The following PRAMEF20 variants were observed in gnomAD, a reference collection of about 807,000 sequenced individuals.
The protein encoded by PRAMEF20 is PRAME family member 20/21.
A neutral mutation model predicts 32.4 loss-of-function variants in PRAMEF20; 27 were observed. The ratio of observed to expected loss-of-function variants is 0.83; its 90% CI spans 0.61 to 1.15. The LOEUF (loss-of-function observed/expected upper bound fraction) is 1.15, where lower values mean the gene tolerates loss of function less well. PRAMEF20 is among the 50% of genes most tolerant of loss of function. The probability of loss-of-function intolerance (pLI) is 0.00; values close to 1 mark genes in which losing one functional copy is unlikely to be tolerated. For missense variants in PRAMEF20, 604 were observed against 584.5 expected (o/e 1.03, Z -0.34); for synonymous variants, 256 against 235.4 (o/e 1.09, Z -0.80).
At chr1:13,416,477 G>T in exon 1 of PRAMEF20, 1 of 1,614,102 alleles carries the variant, frequency 6.2e-7, no homozygotes, top group South Asian at 1.1e-5. Flanking sequence ...CATTGTTCAT[G>T]GAGGCCTTCA....
chr1:13,413,503 T>G (rs1641133527), upstream of PRAMEF20, among the ~76,000 whole-genome samples: 1 of 152,092 alleles, frequency 6.6e-6, no homozygotes. Flanking sequence ...TAGCTGGGAC[T>G]ACAGGCACAC....
upstream of PRAMEF20, among the ~76,000 whole-genome samples, chr1:13,412,801 G>A (rs1333338181): frequency 6.6e-6 from 1 of 152,124 alleles, no homozygotes; most frequent in African/African-American, 2.4e-5. Context: ...GTGCATGCCT[G>A]TAATCCCAGC....
At chr1:13,416,017 C>G (rs1641165518), upstream of PRAMEF20, among the ~76,000 whole-genome samples, 1 of 150,920 alleles carries the variant, frequency 6.6e-6, no homozygotes, top group African/African-American at 2.4e-5. Flanking sequence ...GTTTTAGAAC[C>G]TTGAGTAATT....
intron 1 of PRAMEF20, 82 bp downstream of exon 2, chr1:13,416,723 C>T (rs1641178702): frequency 1.9e-6 from 3 of 1,608,304 alleles, no homozygotes; most frequent in South Asian, 1.1e-5. Flanking sequence ...GTGAGGAGGT[C>T]CAAGGAGGGC....
At chr1:13,419,950 A>T (rs1283448514) in intron 2 of PRAMEF20, among the ~76,000 whole-genome samples, 2 of 152,158 alleles carry the variant, frequency 1.3e-5, no homozygotes, top group African/African-American at 4.8e-5. Context: ...AGGGTCAGGG[A>T]CCAGGCACAA....
At chr1:13,411,790 A>G (rs1356746054), upstream of PRAMEF20, among the ~76,000 whole-genome samples, 1 of 152,194 alleles carries the variant, frequency 6.6e-6, no homozygotes, top group Admixed American at 6.5e-5. Context: ...TGTTCCGTGT[A>G]CAGAATTCTC....
chr1:13,415,833 AAAG>A (rs1641163780), upstream of PRAMEF20, among the ~76,000 whole-genome samples: 1 of 151,930 alleles, frequency 6.6e-6, no homozygotes, highest in Non-Finnish European at 1.5e-5. Context: ...GGGATGAGGG[AAAG>A]AAGGAAAGAA....
At chr1:13,410,781 G>A in the PRAMEF20 span, among the ~76,000 whole-genome samples, 1 of 152,016 alleles carries the variant, frequency 6.6e-6, no homozygotes, top group Non-Finnish European at 1.5e-5. Context: ...CACTCTCGGA[G>A]GTCAATGTGG....
At chr1:13,414,535 T>C (rs2100430084), upstream of PRAMEF20, among the ~76,000 whole-genome samples, 1 of 152,300 alleles carries the variant, frequency 6.6e-6, no homozygotes, top group East Asian at 1.9e-4. Flanking sequence ...CCCTTCTCAC[T>C]GCAACCTCTG....
exon 3 of PRAMEF20, chr1:13,421,323 G>GA: frequency 6.2e-7 from 1 of 1,609,298 alleles, no homozygotes; most frequent in African/African-American, 1.3e-5. Flanking sequence ...CTAAAACCTA[G>GA]GTCTTTTTGC....
At chr1:13,415,947 A>G (rs1215948000), upstream of PRAMEF20, among the ~76,000 whole-genome samples, 1 of 152,228 alleles carries the variant, frequency 6.6e-6, no homozygotes, top group Non-Finnish European at 1.5e-5. Context: ...GTTCCCAACC[A>G]GCTTATTTGC....
intron 1 of PRAMEF20, 42 bp downstream of exon 2, chr1:13,416,683 C>G: frequency 1.9e-6 from 3 of 1,613,434 alleles, no homozygotes; most frequent in Non-Finnish European, 2.5e-6. Context: ...GCCCAGGTGT[C>G]CAACAGAAGG....
chr1:13,420,423 G>A (rs1390889839), intron 2 of PRAMEF20, among the ~76,000 whole-genome samples: 1 of 152,100 alleles, frequency 6.6e-6, no homozygotes, highest in Non-Finnish European at 1.5e-5. Flanking sequence ...TGGCCAGGCT[G>A]GTCTCAAACT....
At chr1:13,413,158 A>G (rs1027410151), upstream of PRAMEF20, among the ~76,000 whole-genome samples, 19 of 152,150 alleles carry the variant, frequency 1.2e-4, no homozygotes, top group Admixed American at 4.6e-4. Flanking sequence ...CACACTCAGG[A>G]CTAGGAAGGA....
chr1:13,411,135 G>A, the PRAMEF20 span, among the ~76,000 whole-genome samples: 1 of 152,264 alleles, frequency 6.6e-6, no homozygotes, highest in East Asian at 1.9e-4. Flanking sequence ...TGGGATTACA[G>A]CCATCAACCA....
exon 2 of PRAMEF20, chr1:13,418,276 A>G: frequency 1.2e-6 from 2 of 1,613,836 alleles, no homozygotes; most frequent in Non-Finnish European, 1.7e-6. Flanking sequence ...GCAGCCCTTG[A>G]CTGTGTTCAT....
rs1557476449 is a variant in PRAMEF20 at position 13,416,652 on chromosome 1, C to T, written c.287+11C>T. The T allele has an allele frequency of 5.0e-6, 8 of 1,613,806 alleles. No individual in the cohort carries two copies. Among genetic ancestry groups the T allele is most frequent in the Non-Finnish European group, 5.9e-6 (7 of 1,179,950 alleles). On this transcript the variant is annotated intron_variant, in intron 1 of 2. Transcript: ENST00000602960. The stretch of plus-strand genomic sequence containing the variant: ...CAGGGTTCGTCTCAGGTGAGGTGGC[C>T]CAAGTGGGCTGGTGGGGAGGGCCCA...
At chr1:13,413,236 C>T (rs1641131215), upstream of PRAMEF20, among the ~76,000 whole-genome samples, 8 of 152,166 alleles carry the variant, frequency 5.3e-5, no homozygotes, top group Admixed American at 4.6e-4. Flanking sequence ...TCACCCTATA[C>T]CTAAATCTTT....
chr1:13,418,553 C>T (rs1162467670), exon 2 of PRAMEF20: 14 of 1,613,864 alleles, frequency 8.7e-6, no homozygotes, highest in Non-Finnish European at 1.1e-5. Context: ...CTCGTTCTCT[C>T]TGACATAGAT....
Sources: gnomAD v4.1 joint callset for allele counts (sites outside exome capture counted in the v4.1 genomes callset) on GRCh38, gnomAD v4.1.1 for gene constraint, MANE v1.5 for transcripts, NCBI Gene and HGNC (gene_info 2026-07-23, HGNC 2026-07-21) for gene names.